VSIG8: variants seen among roughly 807,000 people sequenced by gnomAD.
VSIG8 encodes the protein V-set and immunoglobulin domain-containing protein 8.
A neutral mutation model predicts 42.6 loss-of-function variants in VSIG8; 32 were observed. That is an observed-to-expected ratio of 0.75 (90% CI 0.57 to 1.01). The LOEUF is 1.01. VSIG8 is among the 50% of genes least tolerant of loss of function. The pLI is 0.00. For missense variants in VSIG8, 529 were observed against 558.0 expected (o/e 0.95, Z 0.52); for synonymous variants, 290 against 243.8 (o/e 1.19, Z -1.77).
chr1:159,854,858 G>A lies in VSIG8; in HGVS notation c.1140C>T (p.Ala380=). The change falls in exon 7 of 7, where the codon GCC becomes GCT. Residue 380 remains alanine, a synonymous_variant. Coordinates refer to ENST00000368100, the MANE Select transcript of VSIG8 (RefSeq NM_001013661.1). ...CCGGGGAGGGGCCCGCTTCGCAGGC[G>A]GCGGCGGCGGTGCAGGGCGCCAGGG... ...DVALAPCTAA[A]ACEAGPSPVY... 2.0e-6 allele frequency: 3 copies of A among 1,476,024 alleles called. No individual in the cohort carries two copies. Among genetic ancestry groups the A allele is most frequent in the Non-Finnish European group, 2.7e-6 (3 of 1,123,022 alleles). 91.4% of individuals were successfully genotyped at this position (1,476,024 alleles called of 1,614,324 possible).
Position 159,854,853 on chromosome 1 carries a change from C to T in VSIG8, c.1145G>A (p.Cys382Tyr), listed in dbSNP as rs1262312881. 1 of 1,480,404 alleles carries T rather than the reference C, an allele frequency of 6.8e-7. No individual in the cohort carries two copies. Among genetic ancestry groups the T allele is most frequent in the Non-Finnish European group, 8.9e-7 (1 of 1,124,826 alleles). 91.7% of individuals were successfully genotyped at this position (1,480,404 alleles called of 1,614,324 possible). The change falls in exon 7 of 7, where the codon TGC becomes TAC. Residue 382 changes from cysteine to tyrosine, a missense_variant. Transcript: ENST00000368100. Reference sequence around the variant, plus strand: ...GTAGACCGGGGAGGGGCCCGCTTCGCAGGCGGCGGCGGCGGTGCAGGGCGC... The same window carrying T: ...GTAGACCGGGGAGGGGCCCGCTTCGTAGGCGGCGGCGGCGGTGCAGGGCGC... ...ALAPCTAAAA[C>Y]EAGPSPVYVK... is the part of the protein sequence containing the mutation.
chr1:159,857,365 GGAGTTT>G (rs1177163586), intron 4 of VSIG8, among the ~76,000 whole-genome samples: 4 of 152,182 alleles, frequency 2.6e-5, no homozygotes, highest in Non-Finnish European at 5.9e-5. Flanking sequence ...CCTGAGGTCA[GGAGTTT>G]GAGACCAGCC....
rs1341180788 is a variant in VSIG8 at position 159,857,809 on chromosome 1, G to A, written c.588C>T (p.Thr196=). ...HHYPYRAGSY[T]SQHSYHSELS... ...GCTCTGAGTGGTAGCTGTGCTGGGA[G>A]GTGTAAGACCCAGCTCGATAGGGGT... is the stretch of plus-strand genomic sequence containing the variant. Residue 196 remains threonine, a synonymous_variant, in exon 4 of 7, where the codon ACC becomes ACT. Coordinates refer to ENST00000368100, the MANE Select transcript of VSIG8 (RefSeq NM_001013661.1). 6.2e-7 allele frequency: 1 copy of A among 1,614,076 alleles called. No individual in the cohort carries two copies. The highest frequency in any genetic ancestry group is 8.5e-7 in the Non-Finnish European group (1 of 1,180,042).
Position 159,854,569 on chromosome 1 carries a change from T to C in VSIG8, c.*184A>G. ...GCCTTCCTCCGCCCTCGCCCGCCCC[T>C]TCCCACTTTTGGGGAGGAGGCTCTG... On this transcript the variant is annotated 3_prime_UTR_variant, in exon 7 of 7. Coordinates refer to ENST00000368100, the MANE Select transcript of VSIG8 (RefSeq NM_001013661.1). 2.5e-6 allele frequency: 3 copies of C among 1,191,930 alleles called. No individual in the cohort carries two copies. Among genetic ancestry groups the C allele is most frequent in the Non-Finnish European group, 2.2e-6 (2 of 921,630 alleles). 73.8% of individuals were successfully genotyped at this position (1,191,930 alleles called of 1,614,324 possible). A position where few individuals can be genotyped will look rare whatever the true frequency, so the allele number is the denominator to read the frequency against.
chr1:159,855,739 G>T, intron 6 of VSIG8, 144 bp downstream of exon 6: 1 of 1,375,530 alleles, frequency 7.3e-7, no homozygotes, highest in South Asian at 1.6e-5. Context: ...GTGGCAGGTC[G>T]ACATGCCGCA....
chr1:159,858,941 G>A lies in VSIG8; in HGVS notation c.50-29C>T, dbSNP rs528493641. The A allele has an allele frequency of 2.5e-6, 4 of 1,603,552 alleles. No homozygotes were observed. In the East Asian group the frequency reaches 8.9e-5, roughly 36 times the overall value. On this transcript the variant is annotated intron_variant, in intron 1 of 6. Transcript: ENST00000368100. ...GGGGGAGGGCAGAGAAGATGGGGTG[G>A]TAGGAGCAGAAGCAGGGCTTCAGGA...
chr1:159,854,498 C>T lies in VSIG8; in HGVS notation c.*255G>A. 1 of 656,576 alleles carries T rather than the reference C, an allele frequency of 1.5e-6. No homozygotes were observed. The highest frequency in any genetic ancestry group is 2.2e-6 in the Non-Finnish European group (1 of 448,740). 40.7% of individuals were successfully genotyped at this position (656,576 alleles called of 1,614,324 possible). On this transcript the variant is annotated 3_prime_UTR_variant, in exon 7 of 7. Transcript: ENST00000368100. ...ACACTCAGCCTCCTCCTCCCTCCCT[C>T]TCCCCCAAGCCTTCGGTCCCGGGGG...
Position 159,854,694 on chromosome 1 carries a change from A to T in VSIG8, c.*59T>A. 2.1e-6 allele frequency: 3 copies of T among 1,404,730 alleles called. No homozygotes were observed. The highest frequency in any genetic ancestry group is 2.8e-6 in the Non-Finnish European group (3 of 1,089,182). 87.0% of individuals were successfully genotyped at this position (1,404,730 alleles called of 1,614,324 possible). A position where few individuals can be genotyped will look rare whatever the true frequency, so the allele number is the denominator to read the frequency against. ...CCAGCCCCGACGTGTCCCCAGCTGC[A>T]GACAGAGAGCCCCGCGCCCTCCTCC... On this transcript the variant is annotated 3_prime_UTR_variant, in exon 7 of 7. Transcript: ENST00000368100.
In VSIG8 at chr1:159,857,868, A is replaced by AG. The variant is rs766010179; in HGVS notation, c.528dup (p.Ser177LeufsTer58). The AG allele has an allele frequency of 1.3e-5, 21 of 1,614,206 alleles. No homozygotes were observed. The highest frequency in any genetic ancestry group is 1.8e-5 in the Non-Finnish European group (21 of 1,180,024). On this transcript the variant is annotated frameshift_variant, in exon 4 of 7. Transcript: ENST00000368100. LOFTEE classifies it high-confidence loss of function. The stretch of plus-strand genomic sequence containing the variant: ...CCACTGATCTTGGCCCACTTGTAGG[A>AG]GAGGGGCTGGGAGCCCCCACTGGCA...
intron 6 of VSIG8, 56 bp from the exon 7 acceptor site, chr1:159,855,082 C>G: frequency 6.4e-7 from 1 of 1,557,992 alleles, no homozygotes; most frequent in Non-Finnish European, 8.7e-7. Context: ...GGGGCGTGGG[C>G]ACGGCCTGGG....
intron 4 of VSIG8, 33 bp downstream of exon 4, chr1:159,857,712 A>C: frequency 1.6e-4 from 254 of 1,588,234 alleles, no homozygotes; most frequent in Non-Finnish European, 2.0e-4. Flanking sequence ...TCTTCCACTC[A>C]CCCCCGACTG....
intron 5 of VSIG8, 63 bp downstream of exon 5, chr1:159,856,461 A>G (rs1022075854): frequency 6.4e-5 from 102 of 1,598,260 alleles, no homozygotes; most frequent in Non-Finnish European, 8.1e-5. Context: ...GCTCCAAACC[A>G]GAGCCCAGCC....
chr1:159,854,857 C>G lies in VSIG8; in HGVS notation c.1141G>C (p.Ala381Pro), dbSNP rs971821673. The G allele has an allele frequency of 8.9e-6, 13 of 1,456,196 alleles. No homozygotes were observed. The highest frequency in any genetic ancestry group is 1.2e-5 in the Non-Finnish European group (13 of 1,112,848). 90.2% of individuals were successfully genotyped at this position (1,456,196 alleles called of 1,614,324 possible). ...ACCGGGGAGGGGCCCGCTTCGCAGG[C>G]GGCGGCGGCGGTGCAGGGCGCCAGG... ...VALAPCTAAA[A>P]CEAGPSPVYV... is the part of the protein sequence containing the mutation. Residue 381 changes from alanine to proline, a missense_variant, in exon 7 of 7, where the codon GCC becomes CCC. Physicochemically the swap from Ala to Pro is conservative, Grantham distance 27 (BLOSUM62 -1). Coordinates refer to ENST00000368100, the MANE Select transcript of VSIG8 (RefSeq NM_001013661.1).
At position 159,854,863 on chromosome 1, in the gene VSIG8, C is replaced by T; in HGVS notation, c.1135G>A (p.Ala379Thr). 6.8e-7 allele frequency: 1 copy of T among 1,474,150 alleles called. No homozygotes were observed. Among genetic ancestry groups the T allele is most frequent in the Non-Finnish European group, 8.9e-7 (1 of 1,122,152 alleles). 91.3% of individuals were successfully genotyped at this position (1,474,150 alleles called of 1,614,324 possible). Residue 379 changes from alanine to threonine, a missense_variant, in exon 7 of 7, where the codon GCC becomes ACC. Ala to Thr is a moderately conservative substitution (Grantham distance 58). Transcript: ENST00000368100. Reference sequence around the variant, plus strand: ...GAGGGGCCCGCTTCGCAGGCGGCGGCGGCGGTGCAGGGCGCCAGGGCCACG... The same window carrying T: ...GAGGGGCCCGCTTCGCAGGCGGCGGTGGCGGTGCAGGGCGCCAGGGCCACG... ...EDVALAPCTA[A>T]AACEAGPSPV...
rs1648923912 is a variant in VSIG8, at chr1:159,858,733, C to T, written c.228+1G>A. 1.9e-6 allele frequency: 3 copies of T among 1,609,292 alleles called. No individual in the cohort carries two copies. The highest frequency in any genetic ancestry group is 2.5e-6 in the Non-Finnish European group (3 of 1,177,736). On this transcript the variant is annotated splice_donor_variant, in intron 2 of 6. Transcript: ENST00000368100. LOFTEE classifies it high-confidence loss of function. Reference sequence around the variant, plus strand: ...AGGAGACCCCTGTGCCCAGCACTCACCACGTTCTCTCGGTGGTGGGCGGGG... The same window carrying T: ...AGGAGACCCCTGTGCCCAGCACTCATCACGTTCTCTCGGTGGTGGGCGGGG...
chr1:159,860,350 C>A (rs2101831530), intron 1 of VSIG8, among the ~76,000 whole-genome samples: 1 of 152,340 alleles, frequency 6.6e-6, no homozygotes, highest in South Asian at 2.1e-4. Flanking sequence ...TGCACACAAA[C>A]ACAGAACATA....
rs373123610 is a variant in VSIG8 at position 159,859,005 on chromosome 1, A to C, written c.50-93T>G. ...GCCCTTCCCTTCATATTCTCTGTCC[A>C]CGGCACCCAGAGGTCAGCAGTGCTT... On this transcript the variant is annotated intron_variant, in intron 1 of 6. Transcript: ENST00000368100. 5.1e-4 allele frequency: 713 copies of C among 1,387,778 alleles called. 11 individuals are homozygous for C. The South Asian group carries it at 9.3e-3, about 18-fold the overall frequency. 86.0% of individuals were successfully genotyped at this position (1,387,778 alleles called of 1,614,324 possible).
At chr1:159,859,108 A>G (rs1032236798) in intron 1 of VSIG8, among the ~76,000 whole-genome samples, 196 bp from the exon 2 acceptor site, 4 of 152,156 alleles carry the variant, frequency 2.6e-5, no homozygotes, top group African/African-American at 9.7e-5. Flanking sequence ...ACAGCTATAC[A>G]TATAGCTGTT....
rs901989780 is a variant in VSIG8, at chr1:159,855,918, G to T, written c.936C>A (p.Gly312=). Residue 312 remains glycine, a synonymous_variant, in exon 6 of 7, where the codon GGC becomes GGA. Coordinates refer to ENST00000368100, the MANE Select transcript of VSIG8 (RefSeq NM_001013661.1). ...TAGCCAAGTCGCCGCAGGCCCCTCC[G>T]CCGACCCCGCCGCCGTTGCCGTAGC... The part of the protein sequence containing the change: ...AFGYGNGGGV[G]GGACGDLASE... The T allele has an allele frequency of 3.2e-6, 5 of 1,557,306 alleles. No homozygotes were observed. Among genetic ancestry groups the T allele is most frequent in the Non-Finnish European group, 4.3e-6 (5 of 1,152,828 alleles).
Sources: allele counts gnomAD v4.1 joint callset (sites outside exome capture counted in the v4.1 genomes callset), GRCh38; gene constraint gnomAD v4.1.1; transcripts MANE v1.5; gene names NCBI Gene and HGNC (gene_info 2026-07-23, HGNC 2026-07-21).